Variants in SP140 observed in about 807,000 individuals in gnomAD.
SP140 encodes nuclear body protein SP140.
In SP140, 81 loss-of-function variants were observed where a neutral mutation model predicts 125.0. The ratio of observed to expected loss-of-function variants is 0.65; its 90% confidence interval spans 0.54 to 0.78. The LOEUF (loss-of-function observed/expected upper bound fraction) is 0.78, where lower values mean the gene tolerates loss of function less well. Ranked by LOEUF, SP140 falls within the 30% of genes least tolerant of loss-of-function variation. The pLI, the probability that SP140 is intolerant of heterozygous loss-of-function variation, is 0.00. For synonymous variants in SP140, 312 were observed against 354.0 expected (o/e 0.88, Z 1.33); for missense variants, 858 against 1,037.0 (o/e 0.83, Z 2.37).
At chr2:230,246,009 C>T in intron 7 of SP140, 69 bp downstream of exon 7, 1 of 873,020 alleles carries the variant, frequency 1.1e-6, no homozygotes, top group Non-Finnish European at 1.9e-6. Flanking sequence ...TTTCATCTCC[C>T]TTCCCATTCC....
chr2:230,270,463 AAG>A, intron 14 of SP140, 121 bp from the exon 15 acceptor site: 1 of 1,027,540 alleles, frequency 9.7e-7, no homozygotes, highest in South Asian at 1.5e-5. Context: ...CCCTAGAAGA[AAG>A]AGAGGAATGA....
intron 4 of SP140, among the ~76,000 whole-genome samples, chr2:230,243,343 A>G (rs2048975274): frequency 6.6e-6 from 1 of 152,226 alleles, no homozygotes; most frequent in Non-Finnish European, 1.5e-5. Context: ...TGGGAGAGAA[A>G]GAGCAGTATC....
intron 1 of SP140, among the ~76,000 whole-genome samples, chr2:230,228,409 T>C (rs2046764349): frequency 6.6e-6 from 1 of 152,238 alleles, no homozygotes. Flanking sequence ...CCAAGCTGAT[T>C]GCTATTGCTC....
chr2:230,229,899 G>C (rs1245110442), intron 1 of SP140, among the ~76,000 whole-genome samples: 9 of 151,556 alleles, frequency 5.9e-5, no homozygotes, highest in Non-Finnish European at 1.3e-4. Flanking sequence ...GAAATCTGAT[G>C]TAATTTTATC....
chr2:230,245,831 A>G (rs375616070), intron 6 of SP140, 32 bp from the exon 7 acceptor site: 8 of 1,459,130 alleles, frequency 5.5e-6, no homozygotes, highest in Non-Finnish European at 7.7e-6. Context: ...GTCACTGCCA[A>G]TTGTCTGTCA....
chr2:230,212,220 T>C, intron 1 of SP140: 1 of 742,286 alleles, frequency 1.3e-6, no homozygotes, highest in Non-Finnish European at 2.4e-6. Context: ...GCCCCTTCTG[T>C]TTCTTTTCCT....
intron 15 of SP140, among the ~76,000 whole-genome samples, chr2:230,274,228 G>A (rs1202558191): frequency 6.6e-6 from 1 of 152,070 alleles, no homozygotes; most frequent in African/African-American, 2.4e-5. Context: ...TAAGACTCTT[G>A]AGGGTTTTGT....
intron 12 of SP140, among the ~76,000 whole-genome samples, chr2:230,258,824 T>C (rs1202636764): frequency 6.6e-6 from 1 of 152,208 alleles, no homozygotes; most frequent in Non-Finnish European, 1.5e-5. Context: ...TATTTTCACA[T>C]TGAAAATCAA....
At position 230,274,478 on chromosome 2, in the gene SP140, T is replaced by C. The variant is rs78194925; in HGVS notation, c.1498+3839T>C. Among the ~76,000 whole-genome samples the C allele has an allele frequency of 2.4e-3, 369 of 152,232 alleles. 3 individuals are homozygous for C. Among genetic ancestry groups the C allele is most frequent in the African/African-American group, 8.6e-3 (356 of 41,528 alleles). On this transcript the variant is annotated intron_variant, in intron 15 of 26. Coordinates refer to ENST00000392045, the MANE Select transcript of SP140 (RefSeq NM_007237.5). ...ATGCAGGGGTCCATCAACTAAAGAA[T>C]GTGGGCAGCCTTCCGAAGCTGGAAA...
the SP140 span, among the ~76,000 whole-genome samples, chr2:230,187,039 A>G: frequency 7.2e-5 from 11 of 152,256 alleles, no homozygotes; most frequent in Non-Finnish European, 1.5e-4. Flanking sequence ...TGCTGGATGG[A>G]ATGGTAGATC....
chr2:230,290,574 A>T lies in SP140; in HGVS notation c.1825+10A>T, dbSNP rs574711095. 1 of 1,599,376 alleles carries T rather than the reference A, an allele frequency of 6.3e-7. No homozygotes were observed. Among genetic ancestry groups the T allele is most frequent in the South Asian group, 1.1e-5 (1 of 90,256 alleles). ...AAGAAATTGCAGCAAGGTAGGTTTT[A>T]TGGTCTTCTTTAATTTGCAGCTCCT... On this transcript the variant is annotated intron_variant, in intron 19 of 26. Coordinates refer to ENST00000392045, the MANE Select transcript of SP140 (RefSeq NM_007237.5).
intron 15 of SP140, among the ~76,000 whole-genome samples, chr2:230,278,988 A>C (rs1182328197): frequency 6.6e-6 from 1 of 152,138 alleles, no homozygotes. Flanking sequence ...TGAATTAGTA[A>C]GGTTGCAGAA....
Position 230,255,558 on chromosome 2 carries a change from G to A in SP140, c.1240+26G>A, listed in dbSNP as rs1228378297. ...GTAAGGACGGGGGGGGGGATTTCTGGCCCTGGGCTGCAGAGTGTCAGGAGG... is the reference window on the plus strand; with the variant it reads ...GTAAGGACGGGGGGGGGGATTTCTGACCCTGGGCTGCAGAGTGTCAGGAGG... On this transcript the variant is annotated intron_variant, in intron 12 of 26. Transcript: ENST00000392045. 5.0e-6 allele frequency: 8 copies of A among 1,604,826 alleles called. No homozygotes were observed. In the African/African-American group the frequency reaches 5.4e-5, roughly 11 times the overall value.
the SP140 span, chr2:230,186,167 A>G: frequency 6.2e-7 from 1 of 1,613,180 alleles, no homozygotes; most frequent in Non-Finnish European, 8.5e-7. Flanking sequence ...ACTTGTGAAT[A>G]GTTTAGTGAG....
chr2:230,309,959 C>A lies in SP140; in HGVS notation c.2094C>A (p.Asp698Glu). The A allele has an allele frequency of 6.2e-7, 1 of 1,614,088 alleles. No individual in the cohort carries two copies. The highest frequency in any genetic ancestry group is 8.5e-7 in the Non-Finnish European group (1 of 1,180,024). Reference protein sequence around the residue: ...RNLDECEVCRDGGELFCCDTC... With the variant: ...RNLDECEVCREGGELFCCDTC... ...TGGATGAGTGTGAGGTGTGCCGGGA[C>A]GGAGGGGAGCTGTTCTGTTGCGACA... The change falls in exon 23 of 27, where the codon GAC (aspartate) becomes GAA (glutamate). Residue 698 changes from aspartate (D) to glutamate (E), a missense_variant. By Grantham distance (45) the Asp-to-Glu change is conservative. Coordinates refer to ENST00000392045, the MANE Select transcript of SP140 (RefSeq NM_007237.5).
chr2:230,308,272 C>T (rs2149605584), intron 22 of SP140, among the ~76,000 whole-genome samples: 1 of 152,082 alleles, frequency 6.6e-6, no homozygotes, highest in South Asian at 2.1e-4. Flanking sequence ...TAAAAGACTA[C>T]ACATTGGGTA....
At chr2:230,231,777 G>T (rs187752016) in intron 1 of SP140, among the ~76,000 whole-genome samples, 50 of 152,090 alleles carry the variant, frequency 3.3e-4, no homozygotes, top group African/African-American at 1.2e-3. Flanking sequence ...CGTGGTCTCG[G>T]CTCACTGCAA....
chr2:230,270,726 C>A, intron 15 of SP140, 87 bp downstream of exon 15: 1 of 1,276,172 alleles, frequency 7.8e-7, no homozygotes, highest in Non-Finnish European at 1.1e-6. Context: ...GTTACTATTT[C>A]TGTTATTATT....
chr2:230,255,626 T>C, intron 12 of SP140, 94 bp downstream of exon 12: 1 of 1,082,506 alleles, frequency 9.2e-7, no homozygotes, highest in South Asian at 1.3e-5. Flanking sequence ...TTCCTCTGCA[T>C]ATACCTCACA....
Sources: gnomAD v4.1 joint callset for allele counts (sites outside exome capture counted in the v4.1 genomes callset) on GRCh38, gnomAD v4.1.1 for gene constraint, MANE v1.5 for transcripts, NCBI Gene and HGNC (gene_info 2026-07-23, HGNC 2026-07-21) for gene names.